RAPH1: variants seen among roughly 807,000 people sequenced by gnomAD.
The protein encoded by RAPH1 is ras-associated and pleckstrin homology domains-containing protein 1.
In RAPH1, 18 loss-of-function variants were observed where a neutral mutation model predicts 88.1. The observed-to-expected ratio is 0.20, with a 90% CI of 0.14 to 0.30. RAPH1 has a LOEUF of 0.30. RAPH1 is among the 10% of genes least tolerant of loss of function. RAPH1 has a pLI of 1.00. For missense variants in RAPH1, 1,448 were observed against 1,543.2 expected, an observed-to-expected ratio of 0.94 and a Z score of 1.03; for synonymous variants, 587 against 559.0, an observed-to-expected ratio of 1.05 and a Z score of -0.71.
intron 1 of RAPH1, among the ~76,000 whole-genome samples, chr2:203,513,784 G>A (rs1276317603): frequency 3.5e-5 from 5 of 144,306 alleles, no homozygotes; most frequent in African/African-American, 1.3e-4. Flanking sequence ...GCAGTGAGCC[G>A]AGATCACGCC....
At chr2:203,510,050 G>A (rs1689267678) in intron 1 of RAPH1, among the ~76,000 whole-genome samples, 3 of 151,902 alleles carry the variant, frequency 2.0e-5, no homozygotes, top group Admixed American at 6.6e-5. Flanking sequence ...TACAGTCTCA[G>A]GTATTTCTTT....
At chr2:203,528,255 TA>T (rs748224519) in intron 1 of RAPH1, among the ~76,000 whole-genome samples, 252 of 144,264 alleles carry the variant, frequency 1.7e-3, no homozygotes, top group Middle Eastern at 3.6e-3. Context: ...AGCTGTATTC[TA>T]AAAAAAAAAA....
chr2:203,492,615 A>G (rs1688318996), intron 2 of RAPH1, among the ~76,000 whole-genome samples: 1 of 152,238 alleles, frequency 6.6e-6, no homozygotes, highest in African/African-American at 2.4e-5. Context: ...AGATATTTAC[A>G]ACAGAGAAAT....
chr2:203,508,244 G>A (rs2469958), intron 1 of RAPH1, among the ~76,000 whole-genome samples: 14,274 of 146,132 alleles, frequency 0.098, 1,494 homozygotes, highest in African/African-American at 0.26. Flanking sequence ...AAAAAAAAAG[G>A]AAGAAAGAAA....
At chr2:203,455,842 T>C (rs888253400) in intron 8 of RAPH1, among the ~76,000 whole-genome samples, 3 of 147,996 alleles carry the variant, frequency 2.0e-5, no homozygotes, top group Non-Finnish European at 3.0e-5. Flanking sequence ...ACCACGTCTC[T>C]ACTTAAAAAA....
chr2:203,506,573 T>C (rs968317677), intron 1 of RAPH1, among the ~76,000 whole-genome samples: 4 of 150,550 alleles, frequency 2.7e-5, no homozygotes, highest in African/African-American at 4.9e-5. Context: ...TAGAACATCA[T>C]CTAGTGGCAA....
intron 4 of RAPH1, among the ~76,000 whole-genome samples, chr2:203,482,015 A>C (rs1027426496): frequency 5.9e-5 from 9 of 151,678 alleles, no homozygotes; most frequent in East Asian, 3.9e-4. Context: ...GCAGAAAAAA[A>C]AAACACACAC....
At chr2:203,451,848 G>A (rs2098515172) in intron 10 of RAPH1, among the ~76,000 whole-genome samples, 1 of 152,200 alleles carries the variant, frequency 6.6e-6, no homozygotes, top group African/African-American at 2.4e-5. Flanking sequence ...TCCCTTGTCA[G>A]TGATTGGCTT....
In RAPH1 at chr2:203,437,905, TTTA is replaced by T. The variant is rs2098499766; in HGVS notation, c.*1529_*1531del. ...CTTATAAGTGCTGGGATGGCCCATT[TTTA>T]TTCTCTTGTTTAGGAGCTGCTCTGA... On this transcript the variant is annotated 3_prime_UTR_variant, in exon 14 of 14. Transcript: ENST00000319170. 3.6e-6 allele frequency: 1 copy of T among 274,878 alleles called. No homozygotes were observed. Among genetic ancestry groups the T allele is most frequent in the South Asian group, 3.6e-5 (1 of 27,626 alleles). 17.0% of individuals were successfully genotyped at this position (274,878 alleles called of 1,614,324 possible).
chr2:203,479,162 T>C (rs1687606368), intron 4 of RAPH1, among the ~76,000 whole-genome samples: 3 of 152,224 alleles, frequency 2.0e-5, no homozygotes, highest in African/African-American at 4.8e-5. Flanking sequence ...GGCAAATGAA[T>C]TTCATGAGTT....
intron 6 of RAPH1, 72 bp downstream of exon 6, chr2:203,461,177 G>GT (rs2098523944): frequency 1.2e-6 from 1 of 849,266 alleles, no homozygotes; most frequent in Non-Finnish European, 1.7e-6. Flanking sequence ...AACTCAAAAT[G>GT]TTTTTATCAG....
intron 1 of RAPH1, chr2:203,533,420 C>G (rs2106023138): frequency 6.6e-6 from 1 of 152,214 alleles, no homozygotes; most frequent in South Asian, 2.1e-4. Flanking sequence ...AGCAAAATAA[C>G]GGAGACAATC....
intron 1 of RAPH1, among the ~76,000 whole-genome samples, chr2:203,527,877 T>C (rs146255458): frequency 3.4e-5 from 5 of 147,776 alleles, no homozygotes; most frequent in African/African-American, 1.0e-4. Flanking sequence ...TTGACCTCAA[T>C]GAAACAAAGG....
At chr2:203,520,936 A>C (rs1478414910) in intron 1 of RAPH1, among the ~76,000 whole-genome samples, 1 of 152,160 alleles carries the variant, frequency 6.6e-6, no homozygotes, top group Non-Finnish European at 1.5e-5. Flanking sequence ...TAACTATCTA[A>C]CTGTCCCCCA....
intron 13 of RAPH1, chr2:203,442,674 C>CT (rs1251900311): frequency 6.6e-6 from 1 of 152,246 alleles, no homozygotes; most frequent in East Asian, 1.9e-4. Context: ...GCACCTGAGA[C>CT]TGAGGTAACA....
chr2:203,517,022 A>C (rs549842742), intron 1 of RAPH1, among the ~76,000 whole-genome samples: 3 of 151,662 alleles, frequency 2.0e-5, no homozygotes, highest in African/African-American at 2.4e-5. Context: ...TGACAGAGTG[A>C]AAGACTCCGT....
chr2:203,512,062 G>A lies in RAPH1; in HGVS notation c.1-16709C>T, dbSNP rs540308623. Among the ~76,000 whole-genome samples the A allele has an allele frequency of 1.4e-4, 21 of 152,008 alleles. No homozygotes were observed. In the South Asian group the frequency reaches 3.5e-3, roughly 26 times the overall value. ...CAGGAGGCAGAGGTTGCAGAGAGCC[G>A]AGATCGCACCAATGCACTCCAGCCT... is the stretch of plus-strand genomic sequence containing the variant. On this transcript the variant is annotated intron_variant, in intron 1 of 13. Coordinates refer to ENST00000319170, the MANE Select transcript of RAPH1 (RefSeq NM_213589.3).
chr2:203,533,311 A>T (rs542541407), intron 1 of RAPH1: 1 of 152,314 alleles, frequency 6.6e-6, no homozygotes, highest in East Asian at 1.9e-4. Context: ...CAGCAATCTA[A>T]ATTATACAAA....
chr2:203,449,975 A>G (rs2098513333), intron 10 of RAPH1, among the ~76,000 whole-genome samples: 1 of 151,274 alleles, frequency 6.6e-6, no homozygotes, highest in Non-Finnish European at 1.5e-5. Flanking sequence ...GTGAGCCAAG[A>G]TCGTGCCACC....
Sources: allele counts gnomAD v4.1 joint callset (sites outside exome capture counted in the v4.1 genomes callset), GRCh38; gene constraint gnomAD v4.1.1; transcripts MANE v1.5; gene names NCBI Gene and HGNC (gene_info 2026-07-23, HGNC 2026-07-21).